The following GPRC6A variants were observed in gnomAD, a reference collection of about 807,000 sequenced individuals.
GPRC6A encodes the protein G protein-coupled receptor class C group 6 member A.
In GPRC6A, 54 loss-of-function variants were observed where a neutral mutation model predicts 47.0. That is an observed-to-expected ratio of 1.15 (90% CI 0.92 to 1.44). The LOEUF is 1.44. Among genes scored for constraint, GPRC6A ranks in the 40% most tolerant of loss-of-function variants. The pLI is 0.00. For synonymous variants in GPRC6A, 347 were observed against 377.1 expected, an observed-to-expected ratio of 0.92 and a Z score of 0.93; for missense variants, 1,112 against 1,105.5, an observed-to-expected ratio of 1.01 and a Z score of -0.08.
chr6:116,827,455 C>T (rs1190073061), intron 1 of GPRC6A, among the ~76,000 whole-genome samples: 2 of 151,908 alleles, frequency 1.3e-5, no homozygotes, highest in Non-Finnish European at 2.9e-5. Flanking sequence ...GTTGGAACCT[C>T]CTTGGTGTAT....
intron 1 of GPRC6A, among the ~76,000 whole-genome samples, chr6:116,814,397 A>G (rs1302644841): frequency 6.6e-6 from 1 of 152,214 alleles, no homozygotes; most frequent in Non-Finnish European, 1.5e-5. Flanking sequence ...AATGTGGCAC[A>G]TATACACCAT....
At chr6:116,797,298 G>A (rs1472255093) in intron 4 of GPRC6A, among the ~76,000 whole-genome samples, 4 of 151,946 alleles carry the variant, frequency 2.6e-5, no homozygotes, top group South Asian at 2.1e-4. Context: ...GGACATTTCC[G>A]AGATAAAGCC....
chr6:116,822,855 T>C (rs1582480671), intron 1 of GPRC6A, among the ~76,000 whole-genome samples: 2 of 108,840 alleles, frequency 1.8e-5, no homozygotes, highest in Non-Finnish European at 1.9e-5. Flanking sequence ...AAACTTAAAG[T>C]ATAATAATAA....
intron 3 of GPRC6A, among the ~76,000 whole-genome samples, chr6:116,804,859 C>T (rs1408033521): frequency 2.0e-5 from 3 of 152,072 alleles, no homozygotes; most frequent in African/African-American, 7.2e-5. Flanking sequence ...CCCCGCTCCA[C>T]TTTATGTCAT....
intron 1 of GPRC6A, among the ~76,000 whole-genome samples, chr6:116,824,331 A>T (rs538064148): frequency 6.6e-6 from 1 of 152,026 alleles, no homozygotes; most frequent in Admixed American, 6.6e-5. Context: ...GATAAAAAAA[A>T]TTTATAAATC....
At chr6:116,801,084 G>A (rs948222963) in intron 3 of GPRC6A, among the ~76,000 whole-genome samples, 1 of 152,078 alleles carries the variant, frequency 6.6e-6, no homozygotes, top group African/African-American at 2.4e-5. Context: ...CAGAATTTTA[G>A]AATGGGTCCC....
At position 116,828,944 on chromosome 6, in the gene GPRC6A, G is replaced by C; in HGVS notation, c.70C>G (p.Pro24Ala). 6.2e-7 allele frequency: 1 copy of C among 1,613,342 alleles called. No homozygotes were observed. The highest frequency in any genetic ancestry group is 8.5e-7 in the Non-Finnish European group (1 of 1,179,558). Residue 24 changes from proline to alanine, a missense_variant, in exon 1 of 6, where the codon CCT becomes GCT. Pro to Ala is a conservative substitution (Grantham distance 27). Coordinates refer to ENST00000310357, the MANE Select transcript of GPRC6A (RefSeq NM_148963.4). ...GAAGTGGCAGCCACAAAGTCATCAG[G>C]GGTCTGGCAAGGCTGTGAAGTAGCA... ...ILATSQPCQTPDDFVAATSPG... is the reference protein window; with the variant it reads ...ILATSQPCQTADDFVAATSPG...
chr6:116,798,725 A>G (rs915239841), intron 4 of GPRC6A, among the ~76,000 whole-genome samples: 6 of 151,978 alleles, frequency 3.9e-5, no homozygotes, highest in Admixed American at 3.9e-4. Context: ...TCTACTAAAA[A>G]TACAAAAATT....
chr6:116,825,118 A>G (rs1436049613), intron 1 of GPRC6A, among the ~76,000 whole-genome samples: 6 of 152,106 alleles, frequency 3.9e-5, no homozygotes, highest in African/African-American at 1.4e-4. Flanking sequence ...TGACAAACCC[A>G]TAGTTAACAT....
At chr6:116,818,110 A>T (rs1467420984) in intron 1 of GPRC6A, among the ~76,000 whole-genome samples, 3 of 152,210 alleles carry the variant, frequency 2.0e-5, no homozygotes, top group Non-Finnish European at 4.4e-5. Context: ...TGAAGGAGAA[A>T]ATGTTAAGGG....
At position 116,806,497 on chromosome 6, in the gene GPRC6A, A is replaced by T. The variant is rs1291611588; in HGVS notation, c.1208T>A (p.Leu403His). The change falls in exon 3 of 6, where the codon CTC (leucine) becomes CAC (histidine). Residue 403 changes from leucine (L) to histidine (H), a missense_variant. Leu to His is a moderately conservative substitution (Grantham distance 99). Transcript: ENST00000310357. ...ERNFVMRNDFLWDYAEPGLIH... is the reference protein window; with the variant it reads ...ERNFVMRNDFHWDYAEPGLIH... The stretch of plus-strand genomic sequence containing the variant: ...GAGTCCTGGCTCAGCATAGTCCCAG[A>T]GGAAGTCATTTCTCATGACGAAGTT... 1 of 1,613,480 alleles carries T rather than the reference A, an allele frequency of 6.2e-7. No homozygotes were observed. Among genetic ancestry groups the T allele is most frequent in the African/African-American group, 1.3e-5 (1 of 74,886 alleles).
intron 1 of GPRC6A, among the ~76,000 whole-genome samples, chr6:116,815,101 A>T (rs762714826): frequency 8.5e-5 from 13 of 152,214 alleles, no homozygotes; most frequent in Non-Finnish European, 1.6e-4. Context: ...ATCTAAAAAG[A>T]AAGAGACTGC....
intron 1 of GPRC6A, among the ~76,000 whole-genome samples, chr6:116,817,423 C>T (rs1381354469): frequency 2.0e-5 from 3 of 150,902 alleles, no homozygotes; most frequent in African/African-American, 7.3e-5. Context: ...TAGATAAAAC[C>T]ACAAAGATGG....
At chr6:116,822,116 A>G (rs1265810371) in intron 1 of GPRC6A, among the ~76,000 whole-genome samples, 1 of 145,970 alleles carries the variant, frequency 6.9e-6, no homozygotes, top group Non-Finnish European at 1.5e-5. Flanking sequence ...AAAAATGCTC[A>G]TCATCACTGG....
intron 1 of GPRC6A, among the ~76,000 whole-genome samples, chr6:116,820,675 C>G (rs933837673): frequency 1.8e-4 from 28 of 151,942 alleles, no homozygotes; most frequent in African/African-American, 6.3e-4. Context: ...ATGCTAAAAA[C>G]TCTCAATAAA....
At chr6:116,794,423 AG>A (rs1772412362) in intron 5 of GPRC6A, among the ~76,000 whole-genome samples, 4 of 152,086 alleles carry the variant, frequency 2.6e-5, no homozygotes, top group Admixed American at 2.6e-4. Flanking sequence ...AGAGATAGAG[AG>A]GAACAGCAGA....
intron 1 of GPRC6A, among the ~76,000 whole-genome samples, chr6:116,816,654 C>G (rs928457564): frequency 6.6e-6 from 1 of 152,166 alleles, no homozygotes; most frequent in Non-Finnish European, 1.5e-5. Flanking sequence ...GAGTGCCAGA[C>G]AGTGGGCGCA....
At chr6:116,808,814 C>T (rs2082534101) in intron 2 of GPRC6A, among the ~76,000 whole-genome samples, 1 of 151,978 alleles carries the variant, frequency 6.6e-6, no homozygotes, top group South Asian at 2.1e-4. Context: ...ACTTAGTACA[C>T]AGTGCTGTGA....
At chr6:116,822,022 C>T (rs1241205822) in intron 1 of GPRC6A, among the ~76,000 whole-genome samples, 5 of 141,242 alleles carry the variant, frequency 3.5e-5, no homozygotes, top group South Asian at 2.3e-4. Flanking sequence ...AAGAAAAAAA[C>T]GAACAACCCC....
Sources: allele counts gnomAD v4.1 joint callset (sites outside exome capture counted in the v4.1 genomes callset), GRCh38; gene constraint gnomAD v4.1.1; transcripts MANE v1.5; gene names NCBI Gene and HGNC (gene_info 2026-07-23, HGNC 2026-07-21).